Variants in MED13L observed in about 807,000 individuals in gnomAD.
MED13L encodes mediator of RNA polymerase II transcription subunit 13-like.
Under a neutral mutation model 220.9 loss-of-function variants are expected in MED13L, and 7 were observed. The observed-to-expected ratio is 0.03, with a 90% confidence interval of 0.02 to 0.06. The LOEUF is 0.06. Among genes scored for constraint, MED13L ranks in the 10% least tolerant of loss-of-function variants. MED13L has a pLI of 1.00. For synonymous variants in MED13L, 1,011 were observed against 1,015.2 expected (o/e 1.00, Z 0.08); for missense variants, 1,965 against 2,760.5 (o/e 0.71, Z 6.46).
intron 1 of MED13L, chr12:116,276,795 C>T (rs1873887960): frequency 2.4e-6 from 3 of 1,242,044 alleles, no homozygotes; most frequent in South Asian, 1.5e-5. Context: ...ACCCAGAATC[C>T]GCAGCTCCGA....
chr12:116,246,206 C>CAAAA (rs77427246), intron 1 of MED13L, among the ~76,000 whole-genome samples: 6 of 100,270 alleles, frequency 6.0e-5, no homozygotes, highest in Admixed American at 1.1e-4. Flanking sequence ...TTTAGACATG[C>CAAAA]AAAAAAAAAA....
At position 115,982,172 on chromosome 12, in the gene MED13L, G is replaced by C. The variant is rs1381772514; in HGVS notation, c.5175+212C>G. The stretch of plus-strand genomic sequence containing the variant: ...TATATGAAACATAAATAAATTTTAT[G>C]TTTAGACTTGGGCCCACTGCAAAGG... On this transcript the variant is annotated intron_variant, in intron 22 of 30. Transcript: ENST00000281928. 6 of 574,014 alleles carry C rather than the reference G, an allele frequency of 1.0e-5. No homozygotes were observed. In the East Asian group the frequency reaches 1.5e-4, roughly 14 times the overall value. 35.6% of individuals were successfully genotyped at this position (574,014 alleles called of 1,614,324 possible). A position where few individuals can be genotyped will look rare whatever the true frequency, so the allele number is the denominator to read the frequency against.
intron 4 of MED13L, among the ~76,000 whole-genome samples, chr12:116,055,276 C>T (rs1472157797): frequency 1.3e-5 from 2 of 152,042 alleles, no homozygotes; most frequent in Non-Finnish European, 2.9e-5. Flanking sequence ...AAGCTAAACA[C>T]TTATGATGTA....
intron 1 of MED13L, among the ~76,000 whole-genome samples, chr12:116,245,707 A>G (rs537426039): frequency 6.6e-6 from 1 of 151,740 alleles, no homozygotes; most frequent in Non-Finnish European, 1.5e-5. Context: ...TTTAGAAGAT[A>G]AAGTTTAGGA....
At chr12:116,057,301 G>C (rs1243654783) in intron 4 of MED13L, among the ~76,000 whole-genome samples, 47 of 152,014 alleles carry the variant, frequency 3.1e-4, no homozygotes, top group Admixed American at 3.1e-3. Context: ...CACATGAAAA[G>C]GTACAAAAAG....
chr12:116,117,224 C>T (rs952783542), intron 2 of MED13L, among the ~76,000 whole-genome samples: 1 of 152,018 alleles, frequency 6.6e-6, no homozygotes, highest in Non-Finnish European at 1.5e-5. Flanking sequence ...ATATGTCATT[C>T]TCGCAAAAGG....
intron 2 of MED13L, among the ~76,000 whole-genome samples, chr12:116,146,358 G>T (rs1877513373): frequency 6.6e-6 from 1 of 152,050 alleles, no homozygotes; most frequent in South Asian, 2.1e-4. Flanking sequence ...CTGACCTTGT[G>T]ATCTGCCAGC....
chr12:116,135,382 C>T (rs185607345), intron 2 of MED13L, among the ~76,000 whole-genome samples: 35 of 152,290 alleles, frequency 2.3e-4, no homozygotes, highest in African/African-American at 7.9e-4. Flanking sequence ...CCTAGCTCAT[C>T]CATGCCCTCA....
At position 115,997,076 on chromosome 12, in the gene MED13L, T is replaced by C. The variant is rs1555246116; in HGVS notation, c.2724A>G (p.Thr908=). ...CTTCCATTTTGAATTCTGTGAGTTGTGTTGAAACCATACTGACCATAGGGC... is the reference window on the plus strand; with the variant it reads ...CTTCCATTTTGAATTCTGTGAGTTGCGTTGAAACCATACTGACCATAGGGC... ...MESPMVSMVS[T]QLTEFKMEVE... Residue 908 remains threonine (T), a synonymous_variant, in exon 15 of 31, where the codon ACA becomes ACG. Transcript: ENST00000281928. The C allele has an allele frequency of 6.2e-7, 1 of 1,614,164 alleles. No individual in the cohort carries two copies. Among genetic ancestry groups the C allele is most frequent in the Non-Finnish European group, 8.5e-7 (1 of 1,180,008 alleles).
chr12:116,084,361 T>G (rs2137753729), intron 4 of MED13L, among the ~76,000 whole-genome samples: 1 of 152,266 alleles, frequency 6.6e-6, no homozygotes, highest in South Asian at 2.1e-4. Flanking sequence ...TAGTATATGC[T>G]CTCAGAGAAG....
At chr12:116,149,932 A>C (rs566960101) in intron 2 of MED13L, among the ~76,000 whole-genome samples, 2 of 152,354 alleles carry the variant, frequency 1.3e-5, no homozygotes, top group South Asian at 4.1e-4. Flanking sequence ...AGAAAAAGAA[A>C]GGTGTGATAT....
At chr12:116,143,322 C>T (rs559593630) in intron 2 of MED13L, among the ~76,000 whole-genome samples, 1 of 149,166 alleles carries the variant, frequency 6.7e-6, no homozygotes, top group African/African-American at 2.5e-5. Context: ...CACAGCAACA[C>T]CTTGTCTCAA....
intron 2 of MED13L, among the ~76,000 whole-genome samples, chr12:116,177,137 AC>A (rs142631730): frequency 0.021 from 3,162 of 151,690 alleles, 56 homozygotes; most frequent in Middle Eastern, 0.058. Context: ...TGTAATGAGT[AC>A]CCCCCTCCCC....
At chr12:116,179,714 A>C (rs1468876982) in intron 2 of MED13L, among the ~76,000 whole-genome samples, 1 of 151,736 alleles carries the variant, frequency 6.6e-6, no homozygotes, top group Non-Finnish European at 1.5e-5. Flanking sequence ...AGGTTACAAG[A>C]GAAAAGAATA....
At chr12:115,965,996 G>A (rs1876131613) in intron 29 of MED13L, 86 bp downstream of exon 29, 2 of 1,481,812 alleles carry the variant, frequency 1.3e-6, no homozygotes, top group African/African-American at 1.4e-5. Context: ...AGATTATGGT[G>A]ACTAAAACTG....
intron 5 of MED13L, among the ~76,000 whole-genome samples, chr12:116,020,537 G>C (rs1342924583): frequency 1.3e-5 from 2 of 152,164 alleles, no homozygotes; most frequent in African/African-American, 4.8e-5. Flanking sequence ...CTAACAGTGG[G>C]AAAGTTTTAA....
rs538160100 is a variant in MED13L at position 115,998,469 on chromosome 12, G to A, written c.2570-1239C>T. On this transcript the variant is annotated intron_variant, in intron 14 of 30. Transcript: ENST00000281928. ...CTGTGCTCACGGCTACCCAGTCCAG[G>A]TGCTGGGGACTTAGATCTGCTGTGG... is the stretch of plus-strand genomic sequence containing the variant. Among the ~76,000 whole-genome samples, 62 of 152,316 alleles carry A rather than the reference G, an allele frequency of 4.1e-4. 1 individual carries two copies. The highest frequency in any genetic ancestry group is 4.6e-4 in the Non-Finnish European group (31 of 68,018).
At chr12:116,071,027 C>T (rs887756443) in intron 4 of MED13L, among the ~76,000 whole-genome samples, 5 of 152,040 alleles carry the variant, frequency 3.3e-5, no homozygotes, top group Non-Finnish European at 7.4e-5. Flanking sequence ...ATAAAATTTA[C>T]TATTATTTTC....
chr12:116,217,308 A>G (rs1253648203), intron 2 of MED13L, among the ~76,000 whole-genome samples: 1 of 152,244 alleles, frequency 6.6e-6, no homozygotes, highest in East Asian at 1.9e-4. Context: ...GTGGTATTCA[A>G]GGATGCAACA....
Sources: allele counts gnomAD v4.1 joint callset (sites outside exome capture counted in the v4.1 genomes callset), GRCh38; gene constraint gnomAD v4.1.1; transcripts MANE v1.5; gene names NCBI Gene and HGNC (gene_info 2026-07-23, HGNC 2026-07-21).